VAPA: variants seen among roughly 807,000 people sequenced by gnomAD.
VAPA encodes the protein VAMP associated protein A.
In VAPA, 6 loss-of-function variants were observed where a neutral mutation model predicts 25.6. The ratio of observed to expected loss-of-function variants is 0.23; its 90% confidence interval spans 0.13 to 0.46. The LOEUF (loss-of-function observed/expected upper bound fraction) is 0.46. VAPA is among the 20% of genes least tolerant of loss of function. The probability of loss-of-function intolerance (pLI) is 0.99; values close to 1 mark genes in which losing one functional copy is unlikely to be tolerated. For synonymous variants in VAPA, 112 were observed against 106.2 expected (o/e 1.05, Z -0.34); for missense variants, 244 against 302.1 (o/e 0.81, Z 1.43).
chr18:9,933,779 C>T (rs577158140), intron 2 of VAPA, among the ~76,000 whole-genome samples: 1 of 152,312 alleles, frequency 6.6e-6, no homozygotes, highest in African/African-American at 2.4e-5. Flanking sequence ...CTCAAGTGAT[C>T]CATCTACCTT....
chr18:9,941,120 A>AT (rs548190371), intron 4 of VAPA, among the ~76,000 whole-genome samples: 206 of 150,294 alleles, frequency 1.4e-3, no homozygotes, highest in African/African-American at 4.1e-3. Context: ...TTAACCCAGT[A>AT]TTTTTTTTTT....
intron 4 of VAPA, chr18:9,948,231 A>T (rs893988671): frequency 6.6e-6 from 1 of 152,198 alleles, no homozygotes; most frequent in Non-Finnish European, 1.5e-5. Context: ...AATTAGAAAA[A>T]TCTAAATCTA....
chr18:9,916,235 C>G (rs1003046667), intron 1 of VAPA, among the ~76,000 whole-genome samples: 4 of 152,152 alleles, frequency 2.6e-5, no homozygotes, highest in Non-Finnish European at 5.9e-5. Context: ...GTGACTTACT[C>G]ATATATTTCC....
rs1339785662 is a variant in VAPA at position 9,923,305 on chromosome 18, TAAA to T, written c.80-8501_80-8499del. ...ACCGTTAAAAAGTAGGGATGTTAAT[TAAA>T]AAAGAATTGTTGCTATGAGAGGACT... On this transcript the variant is annotated intron_variant, in intron 1 of 5. Coordinates refer to ENST00000400000, the MANE Select transcript of VAPA (RefSeq NM_194434.3). 6.8e-5 allele frequency among the ~76,000 whole-genome samples: 9 copies of T among 133,240 alleles called. No homozygotes were observed. The South Asian group carries it at 2.3e-3, about 35-fold the overall frequency. 87.4% of individuals were successfully genotyped at this position (133,240 alleles called of 152,430 possible).
intron 1 of VAPA, among the ~76,000 whole-genome samples, chr18:9,931,495 A>G (rs1026340391): frequency 6.6e-6 from 1 of 152,212 alleles, no homozygotes; most frequent in African/African-American, 2.4e-5. Context: ...TGTTATTTTC[A>G]GCAACGTATT....
Position 9,955,992 on chromosome 18 carries a change from G to A in VAPA, c.*1781G>A, listed in dbSNP as rs2069545925. 1 of 152,140 alleles carries A rather than the reference G, an allele frequency of 6.6e-6. No individual in the cohort carries two copies. Among genetic ancestry groups the A allele is most frequent in the Non-Finnish European group, 1.5e-5 (1 of 68,018 alleles). 9.4% of individuals were successfully genotyped at this position (152,140 alleles called of 1,614,324 possible). A position where few individuals can be genotyped will look rare whatever the true frequency, so the allele number is the denominator to read the frequency against. ...AGAATCAGTAATTCCTTGGCTTAAA[G>A]CTCTTATATAATCAATATTATTGGT... On this transcript the variant is annotated 3_prime_UTR_variant, in exon 6 of 6. Transcript: ENST00000400000.
Position 9,931,802 on chromosome 18 carries a change from C to T in VAPA, c.80-8C>T. ...TTTTGTTTTCTCTTTAATTTTTAAA[C>T]TTTACAGGCCCCTTCACAGATGTAG... On this transcript the variant is annotated splice_region_variant and splice_polypyrimidine_tract_variant and intron_variant, in intron 1 of 5. Coordinates refer to ENST00000400000, the MANE Select transcript of VAPA (RefSeq NM_194434.3). 1 of 1,586,258 alleles carries T rather than the reference C, an allele frequency of 6.3e-7. No individual in the cohort carries two copies. The highest frequency in any genetic ancestry group is 1.2e-5 in the South Asian group (1 of 85,852).
chr18:9,918,063 C>A (rs570763382), intron 1 of VAPA, among the ~76,000 whole-genome samples: 1 of 152,078 alleles, frequency 6.6e-6, no homozygotes, highest in African/African-American at 2.4e-5. Flanking sequence ...CTTGTAACAC[C>A]TGTTAGTCTG....
chr18:9,932,788 T>TA (rs2069269181), intron 2 of VAPA, among the ~76,000 whole-genome samples: 1 of 152,156 alleles, frequency 6.6e-6, no homozygotes, highest in Non-Finnish European at 1.5e-5. Flanking sequence ...TCTCCCAGAT[T>TA]GGAATCTCTA....
At chr18:9,916,456 G>A (rs1469169659) in intron 1 of VAPA, among the ~76,000 whole-genome samples, 2 of 152,188 alleles carry the variant, frequency 1.3e-5, no homozygotes, top group African/African-American at 4.8e-5. Context: ...TTCATTTCAG[G>A]GGAGGTTTAG....
chr18:9,915,441 A>AT (rs368405407), intron 1 of VAPA, among the ~76,000 whole-genome samples: 8 of 151,856 alleles, frequency 5.3e-5, no homozygotes, highest in East Asian at 1.9e-4. Flanking sequence ...ACAGATTTTT[A>AT]TTTTTTTTCT....
intron 5 of VAPA, 118 bp from the exon 6 acceptor site, chr18:9,953,935 C>A (rs2069515677): frequency 1.6e-6 from 2 of 1,238,402 alleles, no homozygotes; most frequent in Non-Finnish European, 2.3e-6. Context: ...ATCCCCTTTT[C>A]CGTCCCCAGC....
At chr18:9,920,401 C>G (rs2069146630) in intron 1 of VAPA, among the ~76,000 whole-genome samples, 2 of 152,216 alleles carry the variant, frequency 1.3e-5, no homozygotes, top group African/African-American at 4.8e-5. Context: ...CTCCCGAGTT[C>G]AAGCGATGCT....
chr18:9,947,088 T>C (rs1422355419), intron 4 of VAPA, among the ~76,000 whole-genome samples: 4 of 152,186 alleles, frequency 2.6e-5, no homozygotes, highest in African/African-American at 9.7e-5. Context: ...GTAACACTCA[T>C]GGAGCTGACA....
At chr18:9,939,204 C>G (rs1368291283) in intron 4 of VAPA, among the ~76,000 whole-genome samples, 2 of 144,992 alleles carry the variant, frequency 1.4e-5, no homozygotes, top group African/African-American at 5.1e-5. Context: ...CGGAGTCTTG[C>G]TCTGTTGCTC....
chr18:9,938,101 T>A (rs1462146806), intron 4 of VAPA, among the ~76,000 whole-genome samples: 1 of 152,206 alleles, frequency 6.6e-6, no homozygotes, highest in Admixed American at 6.5e-5. Flanking sequence ...GGAGGTTTTC[T>A]TTTTTGCTTA....
intron 4 of VAPA, chr18:9,949,774 T>G (rs1599117994): frequency 6.6e-6 from 1 of 152,390 alleles, no homozygotes; most frequent in African/African-American, 2.4e-5. Context: ...CTTCAAATGG[T>G]TCAATGTTGG....
chr18:9,922,907 A>T (rs2069169253), intron 1 of VAPA, among the ~76,000 whole-genome samples: 1 of 152,076 alleles, frequency 6.6e-6, no homozygotes, highest in African/African-American at 2.4e-5. Flanking sequence ...CTTAAATGAG[A>T]TTGAATTTGA....
At chr18:9,951,340 C>G (rs2069487973) in intron 5 of VAPA, 1 of 152,286 alleles carries the variant, frequency 6.6e-6, no homozygotes, top group Non-Finnish European at 1.5e-5. Flanking sequence ...ATAGCCTTTG[C>G]TGGGACCCTC....
Sources: allele counts gnomAD v4.1 joint callset (sites outside exome capture counted in the v4.1 genomes callset), GRCh38; gene constraint gnomAD v4.1.1; transcripts MANE v1.5; gene names NCBI Gene and HGNC (gene_info 2026-07-23, HGNC 2026-07-21).